USP25: variants seen among roughly 807,000 people sequenced by gnomAD.
USP25 encodes ubiquitin specific peptidase 25, also known as ubiquitin carboxyl-terminal hydrolase 25.
Under a neutral mutation model 158.5 loss-of-function variants are expected in USP25, and 85 were observed. That is an observed-to-expected ratio of 0.54 (90% CI 0.45 to 0.64). The LOEUF (loss-of-function observed/expected upper bound fraction) is 0.64. Ranked by LOEUF, USP25 falls within the 30% of genes least tolerant of loss-of-function variation. USP25 has a pLI of 0.00. For synonymous variants in USP25, 464 were observed against 460.4 expected, an observed-to-expected ratio of 1.01 and a Z score of -0.10; for missense variants, 1,242 against 1,327.3, an observed-to-expected ratio of 0.94 and a Z score of 1.00.
chr21:15,777,710 C>CA (rs1416093351), intron 3 of USP25, among the ~76,000 whole-genome samples, 194 bp from the exon 4 acceptor site: 2 of 151,870 alleles, frequency 1.3e-5, no homozygotes, highest in African/African-American at 2.4e-5. Flanking sequence ...TATATTTTAT[C>CA]AAAAAAATCA....
intron 1 of USP25, among the ~76,000 whole-genome samples, chr21:15,754,684 A>T (rs1043021375): frequency 6.6e-6 from 1 of 152,208 alleles, no homozygotes; most frequent in Non-Finnish European, 1.5e-5. Context: ...AGTGCTGGGG[A>T]CAGAGGTAGG....
At chr21:15,830,775 A>G (rs896029524) in intron 15 of USP25, among the ~76,000 whole-genome samples, 174 bp downstream of exon 15, 1 of 152,158 alleles carries the variant, frequency 6.6e-6, no homozygotes, top group Non-Finnish European at 1.5e-5. Context: ...GTTCATCTGA[A>G]TGGGGAAACT....
At chr21:15,804,773 C>T (rs540155194) in intron 6 of USP25, among the ~76,000 whole-genome samples, 1 of 152,228 alleles carries the variant, frequency 6.6e-6, no homozygotes, top group Non-Finnish European at 1.5e-5. Flanking sequence ...TATTATTGCT[C>T]TGAGCAGCAG....
In USP25 at chr21:15,864,410, A is replaced by G; in HGVS notation, c.2690A>G (p.Glu897Gly). ...AAAATTATTGAGAAAACATTACTAGAACAATTTGGAGATAGAAATTTGAGT... is the reference window on the plus strand; with the variant it reads ...AAAATTATTGAGAAAACATTACTAGGACAATTTGGAGATAGAAATTTGAGT... ...PKKIIEKTLL[E>G]QFGDRNLSFD... The change falls in exon 21 of 26, where the codon GAA becomes GGA. Residue 897 changes from glutamate to glycine, a missense_variant. Glu to Gly is a moderately conservative substitution (Grantham distance 98). Coordinates refer to ENST00000400183, the MANE Select transcript of USP25 (RefSeq NM_001283041.3). 1.2e-6 allele frequency: 2 copies of G among 1,609,570 alleles called. No individual in the cohort carries two copies. Among genetic ancestry groups the G allele is most frequent in the Non-Finnish European group, 1.7e-6 (2 of 1,178,898 alleles).
rs542503628 is a variant in USP25 at position 15,806,775 on chromosome 21, T to C, written c.780+1517T>C. Among the ~76,000 whole-genome samples the C allele has an allele frequency of 1.1e-4, 17 of 152,330 alleles. 1 individual carries two copies. Among genetic ancestry groups the C allele is most frequent in the Middle Eastern group, 3.4e-3 (1 of 294 alleles). ...AGGAGTAATTTAGTGAATCTGTAAA[T>C]GTAAGCATCATGATTTTTTTAAAAG... On this transcript the variant is annotated intron_variant, in intron 7 of 25. Transcript: ENST00000400183.
chr21:15,849,407 T>C (rs1394621223), intron 19 of USP25, among the ~76,000 whole-genome samples: 3 of 152,182 alleles, frequency 2.0e-5, no homozygotes, highest in African/African-American at 7.2e-5. Context: ...GAGTTCATGA[T>C]GAGCTCTCTG....
At chr21:15,802,457 T>TGGTAGAAATCAA (rs748027499) in intron 6 of USP25, among the ~76,000 whole-genome samples, 1 of 151,518 alleles carries the variant, frequency 6.6e-6, no homozygotes, top group Non-Finnish European at 1.5e-5. Context: ...CTGATGAAAA[T>TGGTAGAAATCAA]GGTAGAAATC....
At chr21:15,836,308 G>A (rs1423379197) in intron 17 of USP25, among the ~76,000 whole-genome samples, 1 of 152,146 alleles carries the variant, frequency 6.6e-6, no homozygotes, top group Non-Finnish European at 1.5e-5. Context: ...ATTAGTATTT[G>A]TTCCTCTTCT....
intron 10 of USP25, among the ~76,000 whole-genome samples, chr21:15,820,098 A>G (rs910980363): frequency 6.6e-6 from 1 of 152,040 alleles, no homozygotes; most frequent in Non-Finnish European, 1.5e-5. Flanking sequence ...AATTCAGCTT[A>G]TTTTATTGAT....
intron 21 of USP25, 83 bp from the exon 22 acceptor site, chr21:15,866,183 A>G: frequency 3.7e-6 from 3 of 819,882 alleles, no homozygotes; most frequent in Non-Finnish European, 5.0e-6. Context: ...GTGTTTATGG[A>G]TTTTGCTTTT....
chr21:15,799,600 A>C (rs181006150), intron 5 of USP25, 157 bp from the exon 6 acceptor site: 39 of 458,838 alleles, frequency 8.5e-5, no homozygotes, highest in African/African-American at 7.5e-4. Flanking sequence ...AAGAAACTTG[A>C]CTTTTTCTCA....
At chr21:15,870,278 T>A (rs959130044) in intron 23 of USP25, 131 bp downstream of exon 23, 4 of 611,284 alleles carry the variant, frequency 6.5e-6, no homozygotes, top group Middle Eastern at 7.2e-4. Context: ...TTAGATCAGT[T>A]TTAAATTTAC....
chr21:15,778,596 A>G (rs1022695354), intron 4 of USP25, among the ~76,000 whole-genome samples: 28 of 152,108 alleles, frequency 1.8e-4, no homozygotes, highest in Non-Finnish European at 8.8e-5. Flanking sequence ...ATATTGTTCA[A>G]ATAAATGGGC....
At chr21:15,844,247 T>C (rs2038473987) in intron 18 of USP25, among the ~76,000 whole-genome samples, 1 of 152,168 alleles carries the variant, frequency 6.6e-6, no homozygotes, top group South Asian at 2.1e-4. Context: ...GCGGTTTTTT[T>C]CATTTAAACT....
intron 4 of USP25, among the ~76,000 whole-genome samples, chr21:15,783,182 C>A (rs775238944): frequency 6.7e-6 from 1 of 149,798 alleles, no homozygotes; most frequent in African/African-American, 2.5e-5. Flanking sequence ...GAAGACAGAT[C>A]GTTTGAAATA....
chr21:15,842,481 A>G lies in USP25; in HGVS notation c.2278A>G (p.Ile760Val), dbSNP rs751976826. ...GCACTTGAAAGAAGAAACTATTCAA[A>G]TAATTACCAAGGCATCACATGAGCA... is the stretch of plus-strand genomic sequence containing the variant. The part of the protein sequence containing the change: ...SKHLKEETIQ[I>V]ITKASHEHED... The change falls in exon 18 of 26, where the codon ATA becomes GTA. Residue 760 changes from isoleucine (I) to valine (V), a missense_variant. Coordinates refer to ENST00000400183, the MANE Select transcript of USP25 (RefSeq NM_001283041.3). 7 of 1,613,724 alleles carry G rather than the reference A, an allele frequency of 4.3e-6. No individual in the cohort carries two copies. Among genetic ancestry groups the G allele is most frequent in the African/African-American group, 1.3e-5 (1 of 74,914 alleles).
intron 22 of USP25, among the ~76,000 whole-genome samples, chr21:15,867,463 A>T (rs1422845065): frequency 1.3e-5 from 2 of 152,136 alleles, no homozygotes; most frequent in African/African-American, 2.4e-5. Flanking sequence ...AAACAAAAAT[A>T]GGAAATAATA....
At chr21:15,777,716 AATC>A (rs1281553974) in intron 3 of USP25, among the ~76,000 whole-genome samples, 185 bp from the exon 4 acceptor site, 1 of 152,210 alleles carries the variant, frequency 6.6e-6, no homozygotes, top group Non-Finnish European at 1.5e-5. Flanking sequence ...TTATCAAAAA[AATC>A]ATTGAGTTAC....
In USP25 at chr21:15,799,745, G is replaced by T. The variant is rs1445874601; in HGVS notation, c.556-12G>T. On this transcript the variant is annotated splice_polypyrimidine_tract_variant and intron_variant, in intron 5 of 25. Transcript: ENST00000400183. ...TTCCCTCAGGTTATGTTAAATTGTT[G>T]TTCTTTTTCAGTCATTATTTAATCT... 1 of 1,560,174 alleles carries T rather than the reference G, an allele frequency of 6.4e-7. No homozygotes were observed. Among genetic ancestry groups the T allele is most frequent in the Non-Finnish European group, 8.7e-7 (1 of 1,144,114 alleles).
Sources: gnomAD v4.1 joint callset for allele counts (sites outside exome capture counted in the v4.1 genomes callset) on GRCh38, gnomAD v4.1.1 for gene constraint, MANE v1.5 for transcripts, NCBI Gene and HGNC (gene_info 2026-07-23, HGNC 2026-07-21) for gene names.